CYLC2: variants seen among roughly 807,000 people sequenced by gnomAD.
CYLC2 encodes the protein cylicin 2.
A neutral mutation model predicts 26.1 loss-of-function variants in CYLC2; 30 were observed. That is an observed-to-expected ratio of 1.15 (90% confidence interval 0.86 to 1.56). The LOEUF (loss-of-function observed/expected upper bound fraction) is 1.56, where lower values mean the gene tolerates loss of function less well. Among genes scored for constraint, CYLC2 ranks in the 40% most tolerant of loss-of-function variants. CYLC2 has a pLI of 0.00. For missense variants in CYLC2, 498 were observed against 394.4 expected, an observed-to-expected ratio of 1.26 and a Z score of -2.23; for synonymous variants, 158 against 132.8, an observed-to-expected ratio of 1.19 and a Z score of -1.31.
rs149633662 is a variant in CYLC2, at chr9:103,005,539, T to A, written c.908T>A (p.Val303Asp). ...KKDATKDAKK[V>D]AKKDTEKESA... ...GACGCCACGAAAGATGCCAAGAAAGTTGCCAAGAAAGATACTGAGAAAGAA... is the reference window on the plus strand; with the variant it reads ...GACGCCACGAAAGATGCCAAGAAAGATGCCAAGAAAGATACTGAGAAAGAA... The change falls in exon 5 of 8, where the codon GTT becomes GAT. Residue 303 changes from valine (V) to aspartate (D), a missense_variant. By Grantham distance (152) the Val-to-Asp change is radical. Transcript: ENST00000374798. The A allele has an allele frequency of 8.1e-6, 13 of 1,609,274 alleles. No individual in the cohort carries two copies. Among genetic ancestry groups the A allele is most frequent in the African/African-American group, 1.4e-5 (1 of 73,820 alleles).
chr9:102,996,733 T>C (rs1212005792), intron 1 of CYLC2, among the ~76,000 whole-genome samples: 1 of 152,038 alleles, frequency 6.6e-6, no homozygotes, highest in African/African-American at 2.4e-5. Flanking sequence ...TCTGTGCCTA[T>C]GGCTATCAAC....
intron 2 of CYLC2, among the ~76,000 whole-genome samples, chr9:103,002,195 C>T (rs969260288): frequency 3.3e-5 from 5 of 151,890 alleles, no homozygotes; most frequent in African/African-American, 1.2e-4. Flanking sequence ...GATGAAATCT[C>T]TCATTGGCCT....
chr9:103,016,200 C>A (rs1829504463), intron 6 of CYLC2, among the ~76,000 whole-genome samples: 2 of 151,592 alleles, frequency 1.3e-5, no homozygotes, highest in African/African-American at 2.4e-5. Flanking sequence ...AAGAAACAGA[C>A]CTGATGGAGC....
rs1041783729 is a variant in CYLC2 at position 103,005,267 on chromosome 9, TAC to T, written c.638_639del (p.Thr213ArgfsTer4). ...ATESEGEKGGTEKDSKKGKKD... is the reference protein window; with the variant it reads ...ATESEGEKGGXEKDSKKGKKD... ...CAGAATCTGAAGGTGAAAAAGGAGG[TAC>T]AGAGAAAGATAGCAAAAAAGGTAAA... is the stretch of plus-strand genomic sequence containing the variant. On this transcript the variant is annotated frameshift_variant, in exon 5 of 8. Coordinates refer to ENST00000374798, the MANE Select transcript of CYLC2 (RefSeq NM_001340.5). LOFTEE classifies it high-confidence loss of function. The T allele has an allele frequency of 1.9e-6, 3 of 1,611,502 alleles. No homozygotes were observed. Among genetic ancestry groups the T allele is most frequent in the Non-Finnish European group, 2.5e-6 (3 of 1,179,328 alleles).
chr9:103,003,467 G>A (rs1053804487), intron 3 of CYLC2, among the ~76,000 whole-genome samples: 7 of 152,012 alleles, frequency 4.6e-5, no homozygotes, highest in East Asian at 1.9e-4. Context: ...AGTCCAATGA[G>A]GCTATTAAAT....
In CYLC2 at chr9:103,004,971, A is replaced by T; in HGVS notation, c.340A>T (p.Ile114Phe). The change falls in exon 5 of 8, where the codon ATT becomes TTT. Residue 114 changes from isoleucine (I) to phenylalanine (F), a missense_variant and splice_region_variant. By Grantham distance (21) the Ile-to-Phe change is conservative. Coordinates refer to ENST00000374798, the MANE Select transcript of CYLC2 (RefSeq NM_001340.5). ...AATATTTGAATATTTATCCCCAGAA[A>T]TTGGTAAGAAAGGTGAAGACAAGAC... ...TVEVDSKAAE[I>F]GKKGEDKTTQ... 6.3e-7 allele frequency: 1 copy of T among 1,579,350 alleles called. No individual in the cohort carries two copies. The highest frequency in any genetic ancestry group is 8.5e-7 in the Non-Finnish European group (1 of 1,170,870).
chr9:103,005,903 A>T lies in CYLC2; in HGVS notation c.*225A>T, dbSNP rs1395872715. On this transcript the variant is annotated 3_prime_UTR_variant, in exon 5 of 8. Transcript: ENST00000374798. Reference sequence around the variant, plus strand: ...AAGGGGGGATCCATTGAAAGACTTGAAGAATACATATACTTATATTCGGGG... The same window carrying T: ...AAGGGGGGATCCATTGAAAGACTTGTAGAATACATATACTTATATTCGGGG... 2.0e-6 allele frequency: 1 copy of T among 502,850 alleles called. No individual in the cohort carries two copies. 31.1% of individuals were successfully genotyped at this position (502,850 alleles called of 1,614,324 possible).
Position 103,015,942 on chromosome 9 carries a change from T to C in CYLC2, c.*817-946T>C, listed in dbSNP as rs190224031. ...AAGGCTCAGGTCTGGAAATTATATA[T>C]ATATCTAATTGTATATATATAATAT... On this transcript the variant is annotated intron_variant, in intron 6 of 7. Coordinates refer to ENST00000374798, the MANE Select transcript of CYLC2 (RefSeq NM_001340.5). 1.9e-4 allele frequency among the ~76,000 whole-genome samples: 28 copies of C among 150,072 alleles called. No homozygotes were observed. In the Admixed American group the frequency reaches 1.9e-3, roughly 10 times the overall value.
intron 6 of CYLC2, among the ~76,000 whole-genome samples, chr9:103,015,386 AAT>A (rs35076749): frequency 0.016 from 1,044 of 64,406 alleles, 18 homozygotes; most frequent in African/African-American, 0.06. Flanking sequence ...ATATATATTA[AAT>A]ATATATATAT....
rs16922376 is a variant in CYLC2 at position 102,998,632 on chromosome 9, T to C, written c.18-2946T>C. 6.4e-3 allele frequency among the ~76,000 whole-genome samples: 980 copies of C among 152,016 alleles called. 62 individuals carry two copies. In the East Asian group the frequency reaches 0.16, roughly 24 times the overall value. ...GGTATTTGGTTTATTGCTGTTTGGG[T>C]TCCTATAAATGATTCTTACTAAAAA... On this transcript the variant is annotated intron_variant, in intron 1 of 7. Coordinates refer to ENST00000374798, the MANE Select transcript of CYLC2 (RefSeq NM_001340.5).
intron 7 of CYLC2, among the ~76,000 whole-genome samples, 192 bp from the exon 8 acceptor site, chr9:103,018,133 C>G (rs771478007): frequency 3.9e-5 from 6 of 151,952 alleles, no homozygotes; most frequent in East Asian, 3.9e-4. Flanking sequence ...GAAGTAGTAT[C>G]TTCAGTTGAG....
chr9:103,005,635 CAAAGAAGGATGA>C lies in CYLC2; in HGVS notation c.1016_1027del (p.Glu339_Asp342del). On this transcript the variant is annotated inframe_deletion, in exon 5 of 8. Coordinates refer to ENST00000374798, the MANE Select transcript of CYLC2 (RefSeq NM_001340.5). ...GCAAAGAAGGATGCAAAGAAGAATG[CAAAGAAGGATGA>C]AAAGAAGGATGCAAAGAAGAAGGGC... 6.2e-7 allele frequency: 1 copy of C among 1,610,998 alleles called. No individual in the cohort carries two copies. Among genetic ancestry groups the C allele is most frequent in the Non-Finnish European group, 8.5e-7 (1 of 1,179,318 alleles).
intron 5 of CYLC2, among the ~76,000 whole-genome samples, chr9:103,009,909 A>C (rs949790690): frequency 6.8e-6 from 1 of 148,022 alleles, no homozygotes; most frequent in Non-Finnish European, 1.5e-5. Context: ...ACACACATAC[A>C]TATATGTGTA....
rs10990417 is a variant in CYLC2 at position 103,001,136 on chromosome 9, C to T, written c.18-442C>T. ...TTTTTGAGACTATTTTGAGGATATG[C>T]TTTTACATAAGCGTAGAGTTTACAA... On this transcript the variant is annotated intron_variant, in intron 1 of 7. Coordinates refer to ENST00000374798, the MANE Select transcript of CYLC2 (RefSeq NM_001340.5). 9.4e-3 allele frequency among the ~76,000 whole-genome samples: 1,430 copies of T among 151,784 alleles called. 64 individuals are homozygous for T. In the East Asian group the frequency reaches 0.16, roughly 17 times the overall value.
chr9:103,005,606 G>A lies in CYLC2; in HGVS notation c.975G>A (p.Lys325=), dbSNP rs527747098. 9.3e-6 allele frequency: 15 copies of A among 1,608,728 alleles called. No individual in the cohort carries two copies. The highest frequency in any genetic ancestry group is 9.3e-6 in the Non-Finnish European group (11 of 1,178,738). ...AGGATGCAAAGAAAAATGCTAAGAA[G>A]GATGCAAAGAAGGATGCAAAGAAGA... ...SKKDAKKNAK[K]DAKKDAKKNA... is the part of the protein sequence containing the mutation. Residue 325 remains lysine (K), a synonymous_variant, in exon 5 of 8, where the codon AAG becomes AAA. Transcript: ENST00000374798.
intron 6 of CYLC2, among the ~76,000 whole-genome samples, chr9:103,013,377 A>G (rs1488499121): frequency 9.2e-6 from 1 of 108,758 alleles, no homozygotes; most frequent in Non-Finnish European, 1.7e-5. Context: ...TATTTAATAT[A>G]TTATATAAAT....
intron 1 of CYLC2, among the ~76,000 whole-genome samples, chr9:103,000,726 C>T (rs1237537679): frequency 2.0e-5 from 3 of 151,982 alleles, no homozygotes; most frequent in African/African-American, 7.2e-5. Flanking sequence ...TACACGCTGT[C>T]AAATAAACAC....
rs553075931 is a variant in CYLC2 at position 103,014,029 on chromosome 9, A to AT, written c.*816+1933dup. ...TTATAATATATTAAATATATTATTC[A>AT]TATTATATACATACTTTATATATCT... On this transcript the variant is annotated intron_variant, in intron 6 of 7. Transcript: ENST00000374798. Among the ~76,000 whole-genome samples, 1,151 of 115,170 alleles carry AT rather than the reference A, an allele frequency of 1.0e-2. 75 individuals carry two copies. In the East Asian group the frequency reaches 0.2, roughly 20 times the overall value. The allele number at this position is 115,170 out of a possible 152,430, so 75.6% of individuals were successfully genotyped here. A position where few individuals can be genotyped will look rare whatever the true frequency, so the allele number is the denominator to read the frequency against.
At chr9:103,006,590 A>G (rs1178120564) in intron 5 of CYLC2, among the ~76,000 whole-genome samples, 1 of 151,652 alleles carries the variant, frequency 6.6e-6, no homozygotes, top group Non-Finnish European at 1.5e-5. Context: ...ATTTTTTTGT[A>G]TTTTTAGTAG....
Sources: gnomAD v4.1 joint callset for allele counts (sites outside exome capture counted in the v4.1 genomes callset) on GRCh38, gnomAD v4.1.1 for gene constraint, MANE v1.5 for transcripts, NCBI Gene and HGNC (gene_info 2026-07-23, HGNC 2026-07-21) for gene names.